The following WAPL variants were observed in gnomAD, a reference collection of about 807,000 sequenced individuals.
WAPL encodes WAPL cohesin release factor, also known as wings apart-like protein homolog.
In WAPL, 5 loss-of-function variants were observed where a neutral mutation model predicts 121.0. The observed-to-expected ratio is 0.04, with a 90% CI of 0.02 to 0.09. The LOEUF (loss-of-function observed/expected upper bound fraction) is 0.09. Ranked by LOEUF, WAPL falls within the 10% of genes least tolerant of loss-of-function variation. The pLI is 1.00. For synonymous variants in WAPL, 480 were observed against 481.5 expected (o/e 1.00, Z 0.04); for missense variants, 999 against 1,410.8 (o/e 0.71, Z 4.68).
chr10:86,505,977 C>A (rs1842341605), intron 2 of WAPL, among the ~76,000 whole-genome samples: 1 of 152,004 alleles, frequency 6.6e-6, no homozygotes. Flanking sequence ...TAATTATGGG[C>A]CAGAAGCACT....
Position 86,517,943 on chromosome 10 carries a change from T to G in WAPL, c.127A>C (p.Lys43Gln). The G allele has an allele frequency of 1.2e-6, 2 of 1,614,238 alleles. No individual in the cohort carries two copies. The highest frequency in any genetic ancestry group is 2.2e-5 in the South Asian group (2 of 91,090). ...AAATTGGGCCTCTTCTGCCCTAATT[T>G]AGCCATAAATGTGGTCTCTCCCCAT... is the stretch of plus-strand genomic sequence containing the variant. ...TKWGETTFMA[K>Q]LGQKRPNFKP... Residue 43 changes from lysine (K) to glutamine (Q), a missense_variant, in exon 2 of 19, where the codon AAA becomes CAA. This residue lies in a region of WAPL where 30 missense variants were observed against 56.4 expected (regional missense o/e 0.53). Transcript: ENST00000298767.
At chr10:86,512,329 G>A (rs1842479908) in intron 2 of WAPL, among the ~76,000 whole-genome samples, 2 of 152,204 alleles carry the variant, frequency 1.3e-5, no homozygotes, top group South Asian at 4.1e-4. Context: ...CAAATTAAGA[G>A]CCTATGCTGT....
intron 4 of WAPL, among the ~76,000 whole-genome samples, chr10:86,495,940 C>A (rs891041383): frequency 1.3e-5 from 2 of 152,114 alleles, no homozygotes; most frequent in Non-Finnish European, 2.9e-5. Context: ...CATGATGAAA[C>A]CCCATCTCTA....
intron 4 of WAPL, among the ~76,000 whole-genome samples, chr10:86,494,736 T>C (rs915159006): frequency 9.2e-5 from 14 of 152,194 alleles, no homozygotes; most frequent in Admixed American, 2.0e-4. Context: ...CCATTCAAAA[T>C]GCAAGATAAA....
rs1842216930 is a variant in WAPL, at chr10:86,499,995, A to G, written c.1248T>C (p.Ser416=). 1 of 1,614,170 alleles carries G rather than the reference A, an allele frequency of 6.2e-7. No homozygotes were observed. Among genetic ancestry groups the G allele is most frequent in the Non-Finnish European group, 8.5e-7 (1 of 1,180,012 alleles). The change falls in exon 3 of 19, where the codon AGT becomes AGC. Residue 416 remains serine, a synonymous_variant. Transcript: ENST00000298767. ...TAACATCCTTTTTGGATTTAGTATT[A>G]CTAGGTCGAAATCTAGTAGTAGTCT... ...TSKTTTRFRP[S]NTKSKKDVKL...
intron 4 of WAPL, among the ~76,000 whole-genome samples, chr10:86,489,032 T>C (rs1181894124): frequency 6.6e-6 from 1 of 152,168 alleles, no homozygotes; most frequent in Non-Finnish European, 1.5e-5. Context: ...AGCAAGAAAA[T>C]GGCATCTCCT....
At chr10:86,503,459 GAAA>G (rs1437789711) in intron 2 of WAPL, among the ~76,000 whole-genome samples, 1 of 151,404 alleles carries the variant, frequency 6.6e-6, no homozygotes, top group African/African-American at 2.4e-5. Flanking sequence ...GTCATGATAA[GAAA>G]ACAAACTTCG....
At chr10:86,520,739 G>T (rs987758947) in intron 1 of WAPL, among the ~76,000 whole-genome samples, 9 of 130,980 alleles carry the variant, frequency 6.9e-5, no homozygotes, top group Non-Finnish European at 1.3e-4. Context: ...AAATCAGGTC[G>T]AATTTTGAGA....
chr10:86,499,364 T>A (rs1457440029), intron 3 of WAPL, among the ~76,000 whole-genome samples: 1 of 152,118 alleles, frequency 6.6e-6, no homozygotes, highest in East Asian at 1.9e-4. Context: ...AAAAACACAT[T>A]TAAAGTAGCC....
chr10:86,467,085 A>C, intron 9 of WAPL, 194 bp downstream of exon 9: 2 of 565,980 alleles, frequency 3.5e-6, no homozygotes, highest in Non-Finnish European at 3.1e-6. Context: ...CAAAAAGCCT[A>C]AATACAGATA....
intron 1 of WAPL, among the ~76,000 whole-genome samples, chr10:86,519,847 G>A (rs1395432124): frequency 6.6e-6 from 1 of 152,102 alleles, no homozygotes; most frequent in Non-Finnish European, 1.5e-5. Context: ...ACTAACCAAA[G>A]GCCAAACCAA....
intron 2 of WAPL, among the ~76,000 whole-genome samples, chr10:86,510,814 T>TA (rs1174353334): frequency 2.6e-5 from 4 of 151,896 alleles, no homozygotes; most frequent in South Asian, 2.1e-4. Flanking sequence ...CGGTAAGTAT[T>TA]AAAAATAGTT....
At chr10:86,460,684 A>T (rs1480777765) in intron 10 of WAPL, among the ~76,000 whole-genome samples, 188 bp from the exon 11 acceptor site, 1 of 151,724 alleles carries the variant, frequency 6.6e-6, no homozygotes, top group Non-Finnish European at 1.5e-5. Flanking sequence ...TTTTGTTTCC[A>T]TAATCCCCCA....
chr10:86,513,060 T>C (rs6586017), intron 2 of WAPL, among the ~76,000 whole-genome samples: 132,938 of 152,078 alleles, frequency 0.87, 58,555 homozygotes, highest in Non-Finnish European at 0.92. Flanking sequence ...TTGTTTTTGT[T>C]TTTTGAGATG....
At chr10:86,511,427 T>C (rs1000327644) in intron 2 of WAPL, among the ~76,000 whole-genome samples, 2 of 152,230 alleles carry the variant, frequency 1.3e-5, no homozygotes, top group Admixed American at 6.5e-5. Context: ...CTCTTCTAAA[T>C]ATACAGCTTT....
At position 86,517,816 on chromosome 10, in the gene WAPL, G is replaced by A; in HGVS notation, c.254C>T (p.Ser85Phe). The A allele has an allele frequency of 2.5e-6, 4 of 1,614,180 alleles. No homozygotes were observed. The highest frequency in any genetic ancestry group is 2.2e-5 in the East Asian group (1 of 44,878). Reference sequence around the variant, plus strand: ...CTTAACCTGGGCTAAATTCTTTGAAGAAACTGGTAGAGACTCATCATCACT... The same window carrying A: ...CTTAACCTGGGCTAAATTCTTTGAAAAAACTGGTAGAGACTCATCATCACT... ...FDSDDESLPV[S>F]SKNLAQVKCS... Residue 85 changes from serine to phenylalanine, a missense_variant, in exon 2 of 19, where the codon TCT becomes TTT. Coordinates refer to ENST00000298767, the MANE Select transcript of WAPL (RefSeq NM_015045.5).
At chr10:86,514,048 C>A (rs956704774) in intron 2 of WAPL, among the ~76,000 whole-genome samples, 1 of 152,144 alleles carries the variant, frequency 6.6e-6, no homozygotes, top group Non-Finnish European at 1.5e-5. Flanking sequence ...AGGTTAGGAA[C>A]CACTTGAGAT....
At chr10:86,439,720 G>A (rs1197806870) in intron 17 of WAPL, among the ~76,000 whole-genome samples, 2 of 152,196 alleles carry the variant, frequency 1.3e-5, no homozygotes, top group Admixed American at 6.5e-5. Flanking sequence ...GGAAGACTGG[G>A]CAAGGAGCTA....
intron 9 of WAPL, among the ~76,000 whole-genome samples, chr10:86,465,764 T>G (rs1023814764): frequency 5.9e-5 from 9 of 152,154 alleles, no homozygotes; most frequent in African/African-American, 2.2e-4. Context: ...AAATGTTTCT[T>G]TCTAAAAAAC....
Sources: gnomAD v4.1 joint callset for allele counts (sites outside exome capture counted in the v4.1 genomes callset) on GRCh38, gnomAD v4.1.1 for gene constraint, gnomAD v4.1.1 regional missense constraint, MANE v1.5 for transcripts, NCBI Gene and HGNC (gene_info 2026-07-23, HGNC 2026-07-21) for gene names.